CREB5: variants seen among roughly 807,000 people sequenced by gnomAD.
The protein encoded by CREB5 is cAMP responsive element binding protein 5.
In CREB5, 19 loss-of-function variants were observed where a neutral mutation model predicts 57.1. That is an observed-to-expected ratio of 0.33 (90% CI 0.23 to 0.49). The LOEUF (loss-of-function observed/expected upper bound fraction) is 0.49. Among genes scored for constraint, CREB5 ranks in the 20% least tolerant of loss-of-function variants. The pLI is 0.99. For missense variants in CREB5, 579 were observed against 671.6 expected, an observed-to-expected ratio of 0.86 and a Z score of 1.52; for synonymous variants, 238 against 238.3, an observed-to-expected ratio of 1.00 and a Z score of 0.01.
At chr7:28,682,691 G>T (rs913877597) in intron 5 of CREB5, among the ~76,000 whole-genome samples, 5 of 148,692 alleles carry the variant, frequency 3.4e-5, no homozygotes, top group African/African-American at 9.9e-5. Flanking sequence ...GTGGGGGGGG[G>T]GGGAAACCCC....
chr7:28,549,567 A>G (rs1794543200), intron 4 of CREB5, among the ~76,000 whole-genome samples: 1 of 152,112 alleles, frequency 6.6e-6, no homozygotes, highest in African/African-American at 2.4e-5. Flanking sequence ...TCAGGATAGC[A>G]TTTTTCCCCT....
chr7:28,551,057 T>C (rs1026217261), intron 4 of CREB5, among the ~76,000 whole-genome samples: 6 of 152,120 alleles, frequency 3.9e-5, no homozygotes, highest in African/African-American at 1.4e-4. Flanking sequence ...CAATGATTAA[T>C]TTGATTCTTC....
chr7:28,685,796 G>A (rs554189285), intron 5 of CREB5, among the ~76,000 whole-genome samples: 3 of 151,512 alleles, frequency 2.0e-5, no homozygotes, highest in Non-Finnish European at 4.4e-5. Context: ...CAGCGGCACT[G>A]TTTCCCCCTT....
chr7:28,611,489 TAAAAAAAAAAA>T (rs59192497), intron 5 of CREB5, among the ~76,000 whole-genome samples: 57 of 47,982 alleles, frequency 1.2e-3, no homozygotes, highest in Middle Eastern at 0.012. Flanking sequence ...CCATCTCTAC[TAAAAAAAAAAA>T]AAAAAAAAAA....
At chr7:28,488,109 T>C in intron 1 of CREB5, 66 bp from the exon 2 acceptor site, 1 of 1,460,482 alleles carries the variant, frequency 6.8e-7, no homozygotes, top group Non-Finnish European at 9.5e-7. Context: ...CTCACGTTGC[T>C]CAGGTAGAAG....
At chr7:28,348,408 T>A (rs2391659) in intron 1 of CREB5, among the ~76,000 whole-genome samples, 133 of 118,246 alleles carry the variant, frequency 1.1e-3, no homozygotes, top group Middle Eastern at 4.0e-3. Flanking sequence ...TCTCTCTCTC[T>A]CACACACACA....
At position 28,665,091 on chromosome 7, in the gene CREB5, G is replaced by T. The variant is rs554854712; in HGVS notation, c.465-53662G>T. 2.6e-5 allele frequency among the ~76,000 whole-genome samples: 4 copies of T among 152,294 alleles called. No individual in the cohort carries two copies. The South Asian group carries it at 8.3e-4, about 32-fold the overall frequency. ...AAGACAAAAGCTGGGAAAGATCAGA[G>T]AACATATTGGGTTGCGATAAGGAGG... On this transcript the variant is annotated intron_variant, in intron 5 of 10. Coordinates refer to ENST00000357727, the MANE Select transcript of CREB5 (RefSeq NM_182898.4).
intron 7 of CREB5, among the ~76,000 whole-genome samples, chr7:28,735,007 A>G (rs1041309305): frequency 6.6e-6 from 1 of 152,186 alleles, no homozygotes; most frequent in Non-Finnish European, 1.5e-5. Context: ...CTGCATTTTG[A>G]AAATTCTTAC....
chr7:28,729,419 G>A (rs1216664910), intron 7 of CREB5, among the ~76,000 whole-genome samples: 1 of 152,208 alleles, frequency 6.6e-6, no homozygotes, highest in African/African-American at 2.4e-5. Flanking sequence ...GAGGTATGGT[G>A]AGCAATCCGT....
At chr7:28,405,541 T>TA (rs1787560416) in intron 1 of CREB5, among the ~76,000 whole-genome samples, 1 of 152,086 alleles carries the variant, frequency 6.6e-6, no homozygotes, top group Non-Finnish European at 1.5e-5. Flanking sequence ...GCCTCCTGAG[T>TA]AGCTGAGACC....
chr7:28,796,231 T>G (rs1053528792), intron 7 of CREB5, among the ~76,000 whole-genome samples: 12 of 152,204 alleles, frequency 7.9e-5, no homozygotes, highest in Admixed American at 3.9e-4. Context: ...CTGGGTTTTT[T>G]GTCTCTATGA....
chr7:28,411,607 A>T (rs908827831), upstream of CREB5, among the ~76,000 whole-genome samples: 1 of 152,160 alleles, frequency 6.6e-6, no homozygotes, highest in Non-Finnish European at 1.5e-5. Flanking sequence ...AATTAAATTT[A>T]AAAAAGTATT....
At chr7:28,461,637 CTG>C (rs1245114168) in intron 1 of CREB5, among the ~76,000 whole-genome samples, 4 of 152,160 alleles carry the variant, frequency 2.6e-5, no homozygotes, top group African/African-American at 9.7e-5. Flanking sequence ...CTAGGATTTT[CTG>C]TGACAACTCC....
intron 1 of CREB5, among the ~76,000 whole-genome samples, chr7:28,343,579 GTATCTA>G (rs1347638626): frequency 6.6e-6 from 1 of 152,080 alleles, no homozygotes; most frequent in Non-Finnish European, 1.5e-5. Context: ...ATCTGTATCT[GTATCTA>G]TATCTACATA....
At chr7:28,528,163 T>G (rs1793526804) in intron 4 of CREB5, among the ~76,000 whole-genome samples, 1 of 152,222 alleles carries the variant, frequency 6.6e-6, no homozygotes, top group African/African-American at 2.4e-5. Flanking sequence ...GTACTGACAC[T>G]TCAAGACACT....
intron 4 of CREB5, among the ~76,000 whole-genome samples, chr7:28,566,463 C>A (rs889013130): frequency 2.0e-5 from 3 of 152,238 alleles, no homozygotes; most frequent in African/African-American, 7.2e-5. Flanking sequence ...CATTGTTTCA[C>A]CAGCTTCACA....
intron 4 of CREB5, among the ~76,000 whole-genome samples, chr7:28,552,141 A>G (rs966399786): frequency 6.6e-6 from 1 of 151,926 alleles, no homozygotes; most frequent in Non-Finnish European, 1.5e-5. Flanking sequence ...TCCCAGTTCA[A>G]GTGATTCTCC....
intron 5 of CREB5, among the ~76,000 whole-genome samples, chr7:28,707,046 G>C (rs916546541): frequency 2.6e-5 from 4 of 152,136 alleles, no homozygotes; most frequent in African/African-American, 9.7e-5. Context: ...GGTACCTGCT[G>C]TAAGGGGTCT....
intron 5 of CREB5, among the ~76,000 whole-genome samples, chr7:28,574,871 A>G (rs17156860): frequency 0.063 from 9,563 of 152,256 alleles, 391 homozygotes; most frequent in South Asian, 0.11. Flanking sequence ...TTAATCCTGG[A>G]ACATATATTT....
Sources: gnomAD v4.1 joint callset for allele counts (sites outside exome capture counted in the v4.1 genomes callset) on GRCh38, gnomAD v4.1.1 for gene constraint, MANE v1.5 for transcripts, NCBI Gene and HGNC (gene_info 2026-07-23, HGNC 2026-07-21) for gene names.